STK4: variants seen among roughly 807,000 people sequenced by gnomAD.
STK4 encodes serine/threonine kinase 4.
Under a neutral mutation model 64.9 loss-of-function variants are expected in STK4, and 30 were observed. That is an observed-to-expected ratio of 0.46 (90% confidence interval 0.35 to 0.63). The LOEUF (loss-of-function observed/expected upper bound fraction) is 0.63, where lower values mean the gene tolerates loss of function less well. Ranked by LOEUF, STK4 falls within the 20% of genes least tolerant of loss-of-function variation. The pLI, the probability that STK4 is intolerant of heterozygous loss-of-function variation, is 0.01. For synonymous variants in STK4, 177 were observed against 199.0 expected, an observed-to-expected ratio of 0.89 and a Z score of 0.93; for missense variants, 466 against 598.5, an observed-to-expected ratio of 0.78 and a Z score of 2.31.
At chr20:45,021,541 G>A (rs1471536426) in intron 9 of STK4, among the ~76,000 whole-genome samples, 1 of 152,174 alleles carries the variant, frequency 6.6e-6, no homozygotes, top group Admixed American at 6.5e-5. Flanking sequence ...GCTGTTTCTT[G>A]CCAGTTAAGG....
intron 10 of STK4, among the ~76,000 whole-genome samples, chr20:45,063,685 G>A (rs1386239020): frequency 6.6e-6 from 1 of 151,970 alleles, no homozygotes; most frequent in Non-Finnish European, 1.5e-5. Flanking sequence ...TGTCCAGAGT[G>A]GTATTTCCTA....
rs139913915 is a variant in STK4 at position 45,074,879 on chromosome 20, C to T, written c.1306-139C>T. 3.7e-3 allele frequency: 3,496 copies of T among 942,222 alleles called. 7 individuals carry two copies. The highest frequency in any genetic ancestry group is 5.0e-3 in the Non-Finnish European group (3,179 of 639,048). The allele number at this position is 942,222 out of a possible 1,614,324, so 58.4% of individuals were successfully genotyped here. ...GAATGAATTGTCACTTTCCAACCAC[C>T]ACCACTCAACCTGTGATCTGACCAC... is the stretch of plus-strand genomic sequence containing the variant. On this transcript the variant is annotated intron_variant, in intron 10 of 10. Coordinates refer to ENST00000372806, the MANE Select transcript of STK4 (RefSeq NM_006282.5).
chr20:45,044,688 A>G (rs1390850790), intron 10 of STK4, among the ~76,000 whole-genome samples: 1 of 152,186 alleles, frequency 6.6e-6, no homozygotes, highest in African/African-American at 2.4e-5. Flanking sequence ...ATCACTTTAG[A>G]AATTTGACAT....
At chr20:45,036,823 T>C (rs2068535111) in intron 10 of STK4, among the ~76,000 whole-genome samples, 1 of 152,194 alleles carries the variant, frequency 6.6e-6, no homozygotes, top group Non-Finnish European at 1.5e-5. Context: ...TGTATAGGGT[T>C]CGTTACCATC....
chr20:45,018,955 C>T (rs886417750), intron 9 of STK4, among the ~76,000 whole-genome samples: 1 of 152,124 alleles, frequency 6.6e-6, no homozygotes, highest in East Asian at 1.9e-4. Flanking sequence ...TAGTCTCGAA[C>T]TCGTGGCCTC....
chr20:45,067,229 T>A (rs1417984441), intron 10 of STK4, among the ~76,000 whole-genome samples: 8 of 152,176 alleles, frequency 5.3e-5, no homozygotes, highest in Non-Finnish European at 1.0e-4. Context: ...GTCATCTTGC[T>A]AAATTCCAAA....
At chr20:45,055,706 T>C (rs959121160) in intron 10 of STK4, among the ~76,000 whole-genome samples, 5 of 144,836 alleles carry the variant, frequency 3.5e-5, no homozygotes, top group Non-Finnish European at 7.7e-5. Context: ...ATCTTTCTTT[T>C]CTTTTTCTTT....
chr20:45,040,921 T>A (rs975355412), intron 10 of STK4, among the ~76,000 whole-genome samples: 1 of 152,166 alleles, frequency 6.6e-6, no homozygotes, highest in Non-Finnish European at 1.5e-5. Flanking sequence ...CTCATTTGTT[T>A]TTCAATTCAC....
intron 9 of STK4, among the ~76,000 whole-genome samples, chr20:45,012,641 A>G (rs996425109): frequency 1.3e-5 from 2 of 152,152 alleles, no homozygotes; most frequent in African/African-American, 2.4e-5. Context: ...TTTCTTCTAT[A>G]GACAACTACT....
At chr20:44,991,209 T>C (rs2067627348) in intron 5 of STK4, among the ~76,000 whole-genome samples, 1 of 151,910 alleles carries the variant, frequency 6.6e-6, no homozygotes, top group Non-Finnish European at 1.5e-5. Flanking sequence ...TATTTCATTG[T>C]ATGGATATAG....
At chr20:45,016,549 C>T (rs1043989702) in intron 9 of STK4, among the ~76,000 whole-genome samples, 1 of 152,156 alleles carries the variant, frequency 6.6e-6, no homozygotes, top group Non-Finnish European at 1.5e-5. Context: ...GTTGGGCCCC[C>T]TTTTATCTTT....
intron 4 of STK4, among the ~76,000 whole-genome samples, chr20:44,982,983 T>A (rs1304102939): frequency 2.0e-5 from 3 of 152,154 alleles, no homozygotes; most frequent in African/African-American, 7.2e-5. Context: ...GGAAGGTCAC[T>A]CAGAAGTGGT....
At chr20:45,047,529 T>A (rs184735620) in intron 10 of STK4, among the ~76,000 whole-genome samples, 1 of 152,352 alleles carries the variant, frequency 6.6e-6, no homozygotes, top group East Asian at 1.9e-4. Flanking sequence ...GTGCACTCTT[T>A]GGAAATCTTT....
At chr20:45,043,757 A>G (rs925680168) in intron 10 of STK4, among the ~76,000 whole-genome samples, 21 of 152,344 alleles carry the variant, frequency 1.4e-4, no homozygotes, top group African/African-American at 4.6e-4. Context: ...AAAATCCTCC[A>G]AAATCCAAAG....
intron 10 of STK4, among the ~76,000 whole-genome samples, chr20:45,067,855 G>A (rs893186767): frequency 4.6e-5 from 7 of 152,156 alleles, no homozygotes; most frequent in African/African-American, 1.7e-4. Flanking sequence ...CTGGCCCAGA[G>A]GAAATAAACC....
chr20:45,035,727 A>G (rs1460023714), intron 10 of STK4, among the ~76,000 whole-genome samples: 1 of 152,196 alleles, frequency 6.6e-6, no homozygotes, highest in Non-Finnish European at 1.5e-5. Flanking sequence ...TTAGCACACC[A>G]TTTCAAATTA....
intron 4 of STK4, among the ~76,000 whole-genome samples, chr20:44,984,600 C>T (rs1338813310): frequency 6.6e-6 from 1 of 152,054 alleles, no homozygotes; most frequent in African/African-American, 2.4e-5. Flanking sequence ...TTATTAAGGA[C>T]TTAAAATGTG....
intron 10 of STK4, among the ~76,000 whole-genome samples, chr20:45,036,519 C>T (rs537340847): frequency 2.0e-5 from 3 of 151,986 alleles, no homozygotes; most frequent in African/African-American, 4.8e-5. Flanking sequence ...GCGAGAGTAG[C>T]GATGCTGGCA....
At chr20:45,020,893 C>G (rs915708369) in intron 9 of STK4, among the ~76,000 whole-genome samples, 1 of 152,054 alleles carries the variant, frequency 6.6e-6, no homozygotes, top group African/African-American at 2.4e-5. Flanking sequence ...CTCACTGCAG[C>G]CTTGACCTCC....
Sources: allele counts gnomAD v4.1 joint callset (sites outside exome capture counted in the v4.1 genomes callset), GRCh38; gene constraint gnomAD v4.1.1; transcripts MANE v1.5; gene names NCBI Gene and HGNC (gene_info 2026-07-23, HGNC 2026-07-21).